DDB2: variants seen among roughly 807,000 people sequenced by gnomAD.
The protein encoded by DDB2 is DNA damage-binding protein 2.
A neutral mutation model predicts 50.5 loss-of-function variants in DDB2; 27 were observed. The observed-to-expected ratio is 0.53, with a 90% CI of 0.39 to 0.74. DDB2 has a LOEUF of 0.74. Ranked by LOEUF, DDB2 falls within the 30% of genes least tolerant of loss-of-function variation. DDB2 has a pLI of 0.00. For synonymous variants in DDB2, 176 were observed against 205.5 expected (o/e 0.86, Z 1.23); for missense variants, 424 against 545.6 (o/e 0.78, Z 2.22).
intron 9 of DDB2, among the ~76,000 whole-genome samples, chr11:47,238,555 C>T (rs1462478261): frequency 6.6e-6 from 1 of 152,138 alleles, no homozygotes; most frequent in Middle Eastern, 3.2e-3. Flanking sequence ...CCCGCTACCA[C>T]GCCCAGCTAA....
At chr11:47,218,644 GC>G (rs1350294343) in intron 3 of DDB2, among the ~76,000 whole-genome samples, 1 of 151,938 alleles carries the variant, frequency 6.6e-6, no homozygotes, top group East Asian at 1.9e-4. Context: ...CCTTTAGCCA[GC>G]CCAGCTGGTG....
chr11:47,231,963 G>A (rs1727520222), intron 3 of DDB2, among the ~76,000 whole-genome samples: 1 of 151,994 alleles, frequency 6.6e-6, no homozygotes, highest in Non-Finnish European at 1.5e-5. Flanking sequence ...GGTTATTTAA[G>A]TCTATACATA....
In DDB2 at chr11:47,234,685, A is replaced by C. The variant is rs758105053; in HGVS notation, c.702+13A>C. 1 of 1,613,988 alleles carries C rather than the reference A, an allele frequency of 6.2e-7. No homozygotes were observed. On this transcript the variant is annotated intron_variant, in intron 5 of 9. Transcript: ENST00000256996. ...GGACGGCAAAGAGGTGCGTTCTCCG[A>C]GGTCCTGCCTTTCCCTCCCTCACCC... is the stretch of plus-strand genomic sequence containing the variant.
chr11:47,230,294 G>A (rs1953629055), intron 3 of DDB2, among the ~76,000 whole-genome samples: 2 of 152,210 alleles, frequency 1.3e-5, no homozygotes, highest in Non-Finnish European at 1.5e-5. Context: ...GGCCTTAAGC[G>A]ATTCTCCTGC....
In DDB2 at chr11:47,216,979, T is replaced by C. The variant is rs1953408924; in HGVS notation, c.386T>C (p.Val129Ala). ...CCAACTCACCCCAGCACCGTGGCTG[T>C]GGGTTCCAAAGGGGGAGATATCATG... is the stretch of plus-strand genomic sequence containing the variant. Reference protein sequence around the residue: ...WHPTHPSTVAVGSKGGDIMLW... With the variant: ...WHPTHPSTVAAGSKGGDIMLW... The change falls in exon 3 of 10, where the codon GTG (valine) becomes GCG (alanine). Residue 129 changes from valine (V) to alanine (A), a missense_variant. Val to Ala is a moderately conservative substitution (Grantham distance 64, BLOSUM62 0). Transcript: ENST00000256996. 1 of 1,614,052 alleles carries C rather than the reference T, an allele frequency of 6.2e-7. No individual in the cohort carries two copies. Among genetic ancestry groups the C allele is most frequent in the African/African-American group, 1.3e-5 (1 of 75,020 alleles).
At chr11:47,229,269 G>A (rs183212099) in intron 3 of DDB2, among the ~76,000 whole-genome samples, 2 of 152,194 alleles carry the variant, frequency 1.3e-5, no homozygotes, top group East Asian at 1.9e-4. Context: ...AGAGGAGGCC[G>A]GGCATGGAAT....
At chr11:47,216,764 T>G in intron 2 of DDB2, 94 bp from the exon 3 acceptor site, 1 of 1,321,082 alleles carries the variant, frequency 7.6e-7, no homozygotes, top group Non-Finnish European at 1.1e-6. Flanking sequence ...TGGGAGGACT[T>G]GGATCTAGGG....
chr11:47,232,942 C>T lies in DDB2; in HGVS notation c.585C>T (p.Ala195=), dbSNP rs751753400. Residue 195 remains alanine, a synonymous_variant, in exon 4 of 10, where the codon GCC becomes GCT. Transcript: ENST00000256996. ...AAGGCAACATTCTACGAGTTTTTGC[C>T]AGCTCAGACACCATCAAGTGAGTAG... ...DFKGNILRVF[A]SSDTINIWFC... is the part of the protein sequence containing the mutation. 6.2e-7 allele frequency: 1 copy of T among 1,614,176 alleles called. No individual in the cohort carries two copies. Among genetic ancestry groups the T allele is most frequent in the South Asian group, 1.1e-5 (1 of 91,078 alleles).
At chr11:47,235,450 G>C in intron 7 of DDB2, 38 bp downstream of exon 7, 1 of 1,598,336 alleles carries the variant, frequency 6.3e-7, no homozygotes, top group Non-Finnish European at 8.5e-7. Flanking sequence ...GAAGGAGGCT[G>C]TGATCATGAG....
At chr11:47,224,113 CT>C (rs1378374350) in intron 3 of DDB2, among the ~76,000 whole-genome samples, 2 of 152,106 alleles carry the variant, frequency 1.3e-5, no homozygotes, top group African/African-American at 4.8e-5. Flanking sequence ...ACAAAACATC[CT>C]GATGAGAAGT....
chr11:47,235,383 C>A lies in DDB2; in HGVS notation c.994C>A (p.Arg332Ser). ...CCTGGGCCTGATCCCGCACCCTCAC[C>A]GTCACTTCCAGCACCTCACACCCAT... The part of the protein sequence containing the change: ...CPLGLIPHPH[R>S]HFQHLTPIKA... The change falls in exon 7 of 10, where the codon CGT becomes AGT. Residue 332 changes from arginine (R) to serine (S), a missense_variant. By Grantham distance (110) the Arg-to-Ser change is moderately radical. Coordinates refer to ENST00000256996, the MANE Select transcript of DDB2 (RefSeq NM_000107.3). 1.2e-6 allele frequency: 2 copies of A among 1,613,586 alleles called. No homozygotes were observed. The highest frequency in any genetic ancestry group is 2.2e-5 in the South Asian group (2 of 91,092).
chr11:47,227,786 C>A (rs1260891228), intron 3 of DDB2, among the ~76,000 whole-genome samples: 2 of 152,144 alleles, frequency 1.3e-5, no homozygotes, highest in African/African-American at 2.4e-5. Flanking sequence ...ATTTTAAGAT[C>A]TTTGCATTTG....
At chr11:47,219,486 A>G (rs1953451211) in intron 3 of DDB2, among the ~76,000 whole-genome samples, 1 of 151,816 alleles carries the variant, frequency 6.6e-6, no homozygotes, top group African/African-American at 2.4e-5. Flanking sequence ...TCAGCCTCCC[A>G]TGTATCAGGG....
chr11:47,231,111 C>G (rs1182673352), intron 3 of DDB2, among the ~76,000 whole-genome samples: 2 of 108,736 alleles, frequency 1.8e-5, no homozygotes, highest in African/African-American at 3.7e-5. Flanking sequence ...CAGAGCAAGC[C>G]TTCATCTCAA....
chr11:47,237,755 C>A (rs912144561), intron 7 of DDB2, 82 bp from the exon 8 acceptor site: 7 of 1,409,374 alleles, frequency 5.0e-6, no homozygotes, highest in South Asian at 1.2e-5. Context: ...TTTTGATGTT[C>A]CTCTTTGTTC....
chr11:47,223,994 A>C (rs1953523311), intron 3 of DDB2, among the ~76,000 whole-genome samples: 1 of 151,822 alleles, frequency 6.6e-6, no homozygotes, highest in South Asian at 2.1e-4. Context: ...CCAGCTGTTC[A>C]GGAGGCTGAG....
intron 3 of DDB2, among the ~76,000 whole-genome samples, chr11:47,218,239 C>T (rs1953429241): frequency 6.6e-6 from 1 of 152,188 alleles, no homozygotes; most frequent in South Asian, 2.1e-4. Context: ...TGTATGTTTG[C>T]CCACTGATGG....
In DDB2 at chr11:47,235,040, A is replaced by G. The variant is rs144358907; in HGVS notation, c.880+106A>G. On this transcript the variant is annotated intron_variant, in intron 6 of 9. Coordinates refer to ENST00000256996, the MANE Select transcript of DDB2 (RefSeq NM_000107.3). ...ACTACGTCAAACCTTTACCCCTGAT[A>G]GCGTCTGCCAAGCTGATGTCTGGGA... is the stretch of plus-strand genomic sequence containing the variant. 5.1e-6 allele frequency: 7 copies of G among 1,379,690 alleles called. No homozygotes were observed. In the African/African-American group the frequency reaches 1.0e-4, roughly 20 times the overall value. The allele number at this position is 1,379,690 out of a possible 1,614,324, so 85.5% of individuals were successfully genotyped here. A position where few individuals can be genotyped will look rare whatever the true frequency, so the allele number is the denominator to read the frequency against.
intron 3 of DDB2, among the ~76,000 whole-genome samples, chr11:47,230,456 C>T (rs950686393): frequency 1.3e-5 from 2 of 152,176 alleles, no homozygotes; most frequent in African/African-American, 4.8e-5. Context: ...TGTATTTCAT[C>T]AATTTACATG....
Sources: gnomAD v4.1 joint callset for allele counts (sites outside exome capture counted in the v4.1 genomes callset) on GRCh38, gnomAD v4.1.1 for gene constraint, MANE v1.5 for transcripts, NCBI Gene and HGNC (gene_info 2026-07-23, HGNC 2026-07-21) for gene names.